The following WNT3A variants were observed in gnomAD, a reference collection of about 807,000 sequenced individuals.
WNT3A encodes the protein Wnt family member 3A.
A neutral mutation model predicts 37.0 loss-of-function variants in WNT3A; 17 were observed. The observed-to-expected ratio is 0.46, with a 90% CI of 0.31 to 0.69. The LOEUF is 0.69. WNT3A is among the 30% of genes least tolerant of loss of function. The pLI is 0.05. For synonymous variants in WNT3A, 187 were observed against 211.0 expected, an observed-to-expected ratio of 0.89 and a Z score of 0.99; for missense variants, 411 against 510.2, an observed-to-expected ratio of 0.81 and a Z score of 1.87.
chr1:228,035,942 G>A (rs2031128090), intron 2 of WNT3A, among the ~76,000 whole-genome samples: 1 of 152,216 alleles, frequency 6.6e-6, no homozygotes, highest in African/African-American at 2.4e-5. Context: ...ATAGGTTTAA[G>A]TAGGAAAGGG....
intron 1 of WNT3A, among the ~76,000 whole-genome samples, chr1:228,018,779 T>C (rs2102763437): frequency 6.6e-6 from 1 of 152,300 alleles, no homozygotes; most frequent in East Asian, 1.9e-4. Context: ...AGGGCCCTCC[T>C]CTGCACTGCT....
chr1:228,024,366 A>C (rs1258075782), intron 2 of WNT3A, among the ~76,000 whole-genome samples: 1 of 152,202 alleles, frequency 6.6e-6, no homozygotes, highest in Non-Finnish European at 1.5e-5. Flanking sequence ...GCCATCCTAG[A>C]GTGTGAAGTA....
chr1:228,011,574 C>G lies in WNT3A; in HGVS notation c.71+4375C>G, dbSNP rs189385001. Among the ~76,000 whole-genome samples, 6 of 152,328 alleles carry G rather than the reference C, an allele frequency of 3.9e-5. No individual in the cohort carries two copies. The East Asian group carries it at 1.2e-3, about 29-fold the overall frequency. The stretch of plus-strand genomic sequence containing the variant: ...TGTCTCTGCCCGTCTCTGTCTCTAT[C>G]TCTCTGTGTCTGTCTCTCTCTTTCA... On this transcript the variant is annotated intron_variant, in intron 1 of 3. Coordinates refer to ENST00000284523, the MANE Select transcript of WNT3A (RefSeq NM_033131.4).
intron 3 of WNT3A, among the ~76,000 whole-genome samples, chr1:228,052,413 T>A (rs544093932): frequency 1.3e-5 from 2 of 152,274 alleles, no homozygotes; most frequent in Non-Finnish European, 1.5e-5. Context: ...CAAAGTGCTG[T>A]GATTACAGGT....
intron 3 of WNT3A, among the ~76,000 whole-genome samples, chr1:228,053,042 GTC>G (rs376172054): frequency 6.0e-5 from 9 of 151,168 alleles, no homozygotes; most frequent in Non-Finnish European, 1.3e-4. Context: ...GCAGAAGAGG[GTC>G]TCTCTCTCTC....
chr1:228,007,203 A>G lies in WNT3A; in HGVS notation c.71+4A>G. 6.2e-7 allele frequency: 1 copy of G among 1,600,428 alleles called. No homozygotes were observed. ...TGGGCAGCTACCCGATCTGGTGGTGAGTGAGCCTCCTCGCGTTCGCCCCTG... is the reference window on the plus strand; with the variant it reads ...TGGGCAGCTACCCGATCTGGTGGTGGGTGAGCCTCCTCGCGTTCGCCCCTG... On this transcript the variant is annotated splice_donor_region_variant and intron_variant, in intron 1 of 3. Coordinates refer to ENST00000284523, the MANE Select transcript of WNT3A (RefSeq NM_033131.4). The surrounding 1 kb of genome is among the most constrained non-coding windows in gnomAD (Gnocchi z 6.0).
rs1308518811 is a variant in WNT3A, at chr1:228,059,737, G to T, written c.*272G>T. On this transcript the variant is annotated 3_prime_UTR_variant, in exon 4 of 4. Coordinates refer to ENST00000284523, the MANE Select transcript of WNT3A (RefSeq NM_033131.4). Reference sequence around the variant, plus strand: ...GGCTCTGCGTTGGCTTCTCCCTGGGGACGGGGCTCCCCTGGACAGAGGCGG... The same window carrying T: ...GGCTCTGCGTTGGCTTCTCCCTGGGTACGGGGCTCCCCTGGACAGAGGCGG... 3.6e-5 allele frequency: 47 copies of T among 1,298,950 alleles called. No homozygotes were observed. The highest frequency in any genetic ancestry group is 3.5e-4 in the Admixed American group (9 of 25,732). The allele number at this position is 1,298,950 out of a possible 1,614,324, so 80.5% of individuals were successfully genotyped here.
In WNT3A at chr1:228,022,912, T is replaced by A. The variant is rs780118019; in HGVS notation, c.313+4T>A. The A allele has an allele frequency of 3.1e-6, 5 of 1,599,416 alleles. No individual in the cohort carries two copies. In the South Asian group the frequency reaches 3.3e-5, roughly 11 times the overall value. On this transcript the variant is annotated splice_donor_region_variant and intron_variant, in intron 2 of 3. Transcript: ENST00000284523. ...TTCGGGCCCGTGCTGGACAAAGGTA[T>A]GGGGGTGGTCTGGGGGAGGGCAGAT...
intron 2 of WNT3A, among the ~76,000 whole-genome samples, chr1:228,041,054 A>G (rs2031274765): frequency 1.3e-5 from 2 of 148,608 alleles, no homozygotes; most frequent in African/African-American, 2.5e-5. Flanking sequence ...TCTATCATCT[A>G]TCTATCATCT....
In WNT3A at chr1:228,059,977, G is replaced by A; in HGVS notation, c.*512G>A. 1 of 1,135,712 alleles carries A rather than the reference G, an allele frequency of 8.8e-7. No homozygotes were observed. The highest frequency in any genetic ancestry group is 1.1e-6 in the Non-Finnish European group (1 of 912,384). The allele number at this position is 1,135,712 out of a possible 1,614,324, so 70.4% of individuals were successfully genotyped here. The stretch of plus-strand genomic sequence containing the variant: ...GGGCGGAGCGCCTCCTTAGGAGTGG[G>A]GTTTTATGGTGGATGAGGCTTCTTC... On this transcript the variant is annotated 3_prime_UTR_variant, in exon 4 of 4. Transcript: ENST00000284523.
At chr1:228,035,394 T>C (rs1349694389) in intron 2 of WNT3A, among the ~76,000 whole-genome samples, 4 of 152,204 alleles carry the variant, frequency 2.6e-5, no homozygotes, top group African/African-American at 4.8e-5. Flanking sequence ...CATGCCAAGG[T>C]TGGGGCTGAC....
intron 2 of WNT3A, among the ~76,000 whole-genome samples, chr1:228,041,813 G>A (rs866935797): frequency 5.3e-5 from 8 of 152,196 alleles, no homozygotes; most frequent in African/African-American, 1.7e-4. Context: ...ACCAGAGATA[G>A]GGAAGGCTTC....
At chr1:228,018,142 C>T (rs1196012851) in intron 1 of WNT3A, among the ~76,000 whole-genome samples, 1 of 152,132 alleles carries the variant, frequency 6.6e-6, no homozygotes, top group Non-Finnish European at 1.5e-5. Context: ...CACTCGATCT[C>T]GAAGACGGGG....
intron 3 of WNT3A, among the ~76,000 whole-genome samples, chr1:228,052,309 A>G (rs1296501002): frequency 2.6e-5 from 4 of 151,774 alleles, no homozygotes; most frequent in African/African-American, 9.7e-5. Flanking sequence ...ACACCTGGCT[A>G]ATTTTTGTAT....
At chr1:228,033,070 T>A (rs708124) in intron 2 of WNT3A, among the ~76,000 whole-genome samples, 104,793 of 152,118 alleles carry the variant, frequency 0.69, 36,288 homozygotes, top group African/African-American at 0.76. Flanking sequence ...TATAGTCTGC[T>A]TACAAGTCCC....
chr1:228,058,966 C>G lies in WNT3A; in HGVS notation c.580-20C>G. ...CACCAGGGGGCCGCCCTGACGCTGG[C>G]TCCTGCGCGTGCCCCGCAGGCCATC... On this transcript the variant is annotated intron_variant, in intron 3 of 3. Transcript: ENST00000284523. 1.3e-6 allele frequency: 2 copies of G among 1,594,642 alleles called. No individual in the cohort carries two copies. Among genetic ancestry groups the G allele is most frequent in the Non-Finnish European group, 1.7e-6 (2 of 1,169,846 alleles).
rs1204987045 is a variant in WNT3A, at chr1:228,059,597, G to A, written c.*132G>A. On this transcript the variant is annotated 3_prime_UTR_variant, in exon 4 of 4. Coordinates refer to ENST00000284523, the MANE Select transcript of WNT3A (RefSeq NM_033131.4). ...GGCGGGACTCCTCCCTGGGGGTGGGGCTCCTACCTGGGGGCAGAACTCCTA... is the reference window on the plus strand; with the variant it reads ...GGCGGGACTCCTCCCTGGGGGTGGGACTCCTACCTGGGGGCAGAACTCCTA... 5 of 1,387,786 alleles carry A rather than the reference G, an allele frequency of 3.6e-6. No homozygotes were observed. The highest frequency in any genetic ancestry group is 3.7e-6 in the Non-Finnish European group (4 of 1,078,760). The allele number at this position is 1,387,786 out of a possible 1,614,324, so 86.0% of individuals were successfully genotyped here.
At chr1:228,018,562 T>C (rs2030598347) in intron 1 of WNT3A, among the ~76,000 whole-genome samples, 1 of 151,940 alleles carries the variant, frequency 6.6e-6, no homozygotes, top group South Asian at 2.1e-4. Context: ...CCAGCTAACC[T>C]TTGTATTTTT....
chr1:228,059,643 C>T lies in WNT3A; in HGVS notation c.*178C>T. On this transcript the variant is annotated 3_prime_UTR_variant, in exon 4 of 4. Transcript: ENST00000284523. ...TCCTACCTGAAGGCAGGGCTCCTCC[C>T]TGGAGCTAGTGTCTCCTCTCTGGTG... 7.3e-7 allele frequency: 1 copy of T among 1,378,392 alleles called. No homozygotes were observed. The highest frequency in any genetic ancestry group is 1.8e-5 in the South Asian group (1 of 57,134). The allele number at this position is 1,378,392 out of a possible 1,614,324, so 85.4% of individuals were successfully genotyped here. A position where few individuals can be genotyped will look rare whatever the true frequency, so the allele number is the denominator to read the frequency against.
Sources: allele counts gnomAD v4.1 joint callset (sites outside exome capture counted in the v4.1 genomes callset), GRCh38; gene constraint gnomAD v4.1.1; non-coding constraint Gnocchi (gnomAD v3.1); transcripts MANE v1.5; gene names NCBI Gene and HGNC (gene_info 2026-07-23, HGNC 2026-07-21).